NELL1: variants seen among roughly 807,000 people sequenced by gnomAD.
NELL1 encodes neural EGFL like 1, also known as protein kinase C-binding protein NELL1.
In NELL1, 76 loss-of-function variants were observed where a neutral mutation model predicts 107.4. That is an observed-to-expected ratio of 0.71 (90% CI 0.59 to 0.86). The LOEUF (loss-of-function observed/expected upper bound fraction) is 0.86, where lower values mean the gene tolerates loss of function less well. Among genes scored for constraint, NELL1 ranks in the 40% least tolerant of loss-of-function variants. The pLI is 0.00. For synonymous variants in NELL1, 353 were observed against 341.2 expected (o/e 1.03, Z -0.38); for missense variants, 1,024 against 1,005.5 (o/e 1.02, Z -0.25).
intron 14 of NELL1, among the ~76,000 whole-genome samples, chr11:21,346,199 T>A (rs147984295): frequency 1.3e-3 from 192 of 152,228 alleles, no homozygotes; most frequent in Non-Finnish European, 2.2e-3. Flanking sequence ...TTTCCTTCTA[T>A]CTGAATTTTT....
At chr11:21,204,768 T>C (rs1025872221) in intron 13 of NELL1, among the ~76,000 whole-genome samples, 18 of 152,170 alleles carry the variant, frequency 1.2e-4, no homozygotes, top group Non-Finnish European at 2.9e-5. Flanking sequence ...CCTTTGTTCT[T>C]TGATGTTGGA....
rs554676968 is a variant in NELL1, at chr11:21,278,625, T to G, written c.1549+49171T>G. On this transcript the variant is annotated intron_variant, in intron 14 of 19. Coordinates refer to ENST00000357134, the MANE Select transcript of NELL1 (RefSeq NM_006157.5). ...TAAGAGGAAAACTATAAAACTCAGT[T>G]TAAAAAAAATCAAAGAACTAAATAG... Among the ~76,000 whole-genome samples the G allele has an allele frequency of 2.0e-5, 3 of 152,014 alleles. No individual in the cohort carries two copies. In the East Asian group the frequency reaches 5.8e-4, roughly 29 times the overall value.
At chr11:21,478,834 C>T (rs1018840659) in intron 15 of NELL1, among the ~76,000 whole-genome samples, 8 of 62,012 alleles carry the variant, frequency 1.3e-4, no homozygotes, top group African/African-American at 4.6e-4. Context: ...CTCAAACAAC[C>T]CTATAAGAAA....
chr11:21,159,197 A>G (rs1856309185), intron 13 of NELL1, among the ~76,000 whole-genome samples: 1 of 152,136 alleles, frequency 6.6e-6, no homozygotes, highest in Admixed American at 6.5e-5. Flanking sequence ...CATAGGACTT[A>G]GATCTTAGAC....
At chr11:21,010,491 A>C in intron 12 of NELL1, among the ~76,000 whole-genome samples, 1 of 152,092 alleles carries the variant, frequency 6.6e-6, no homozygotes, top group South Asian at 2.1e-4. Flanking sequence ...TGCCTGGGGC[A>C]TAATAGACCA....
chr11:20,707,969 C>T (rs1247167969), intron 2 of NELL1, among the ~76,000 whole-genome samples: 2 of 152,234 alleles, frequency 1.3e-5, no homozygotes, highest in Non-Finnish European at 1.5e-5. Context: ...GCAGGCAGGC[C>T]TGCCTGAGCT....
chr11:20,853,095 C>A (rs905979467), intron 4 of NELL1, among the ~76,000 whole-genome samples: 5 of 152,174 alleles, frequency 3.3e-5, no homozygotes, highest in Admixed American at 3.3e-4. Flanking sequence ...GAATCTGATT[C>A]TGTACCAGTC....
intron 5 of NELL1, among the ~76,000 whole-genome samples, chr11:20,905,313 A>G (rs1849971308): frequency 6.6e-6 from 1 of 152,178 alleles, no homozygotes. Context: ...AAAGGGGCAG[A>G]TCTGTTCTCC....
chr11:21,492,701 C>T (rs1195337261), intron 15 of NELL1, among the ~76,000 whole-genome samples: 1 of 132,440 alleles, frequency 7.6e-6, no homozygotes, highest in African/African-American at 2.9e-5. Context: ...ACAATGAGAA[C>T]ACATGGACAT....
Position 20,781,846 on chromosome 11 carries a change from T to C in NELL1, c.185-1834T>C, listed in dbSNP as rs559113812. ...GAGTTCAAGACCAGCCTGGGCAACA[T>C]GGGGAAACCCTGTCTCTACCAAAAA... On this transcript the variant is annotated intron_variant, in intron 2 of 19. Coordinates refer to ENST00000357134, the MANE Select transcript of NELL1 (RefSeq NM_006157.5). 3.8e-5 allele frequency among the ~76,000 whole-genome samples: 4 copies of C among 104,838 alleles called. No homozygotes were observed. In the South Asian group the frequency reaches 1.3e-3, roughly 33 times the overall value. The allele number at this position is 104,838 out of a possible 152,430, so 68.8% of individuals were successfully genotyped here.
At chr11:20,987,219 A>C (rs1851871641) in intron 12 of NELL1, among the ~76,000 whole-genome samples, 1 of 152,180 alleles carries the variant, frequency 6.6e-6, no homozygotes, top group Non-Finnish European at 1.5e-5. Context: ...TCCCCCTTTG[A>C]AACCATCCTT....
chr11:21,554,946 T>C (rs946159339), intron 16 of NELL1, among the ~76,000 whole-genome samples: 1 of 151,922 alleles, frequency 6.6e-6, no homozygotes, highest in Non-Finnish European at 1.5e-5. Context: ...AAGGTTAAGC[T>C]TTCAATTGGT....
intron 10 of NELL1, among the ~76,000 whole-genome samples, chr11:20,947,133 A>G (rs557869985): frequency 2.0e-5 from 3 of 152,274 alleles, no homozygotes; most frequent in Admixed American, 6.5e-5. Flanking sequence ...TGAGGCTTTT[A>G]GGATATAGAA....
At chr11:21,277,424 A>C (rs1848892045) in intron 14 of NELL1, among the ~76,000 whole-genome samples, 1 of 151,306 alleles carries the variant, frequency 6.6e-6, no homozygotes, top group Admixed American at 6.6e-5. Flanking sequence ...GATGTGGAGA[A>C]ATAGGAACAC....
chr11:21,175,635 C>T (rs1856695981), intron 13 of NELL1, among the ~76,000 whole-genome samples: 1 of 151,870 alleles, frequency 6.6e-6, no homozygotes, highest in Non-Finnish European at 1.5e-5. Context: ...ATCAGTCTTT[C>T]TGTTTCACGA....
intron 15 of NELL1, among the ~76,000 whole-genome samples, chr11:21,434,369 A>G (rs895006715): frequency 2.3e-4 from 35 of 152,244 alleles, no homozygotes; most frequent in African/African-American, 7.5e-4. Flanking sequence ...ATTTTTGCAT[A>G]TGGTGAGATA....
intron 13 of NELL1, among the ~76,000 whole-genome samples, chr11:21,216,988 C>G (rs1628614): frequency 6.6e-6 from 1 of 152,082 alleles, no homozygotes; most frequent in Non-Finnish European, 1.5e-5. Flanking sequence ...AATTGTAGTT[C>G]CCATAATGCC....
At chr11:21,518,945 T>C (rs2133953212) in intron 15 of NELL1, among the ~76,000 whole-genome samples, 1 of 152,330 alleles carries the variant, frequency 6.6e-6, no homozygotes, top group South Asian at 2.1e-4. Context: ...TAATTCTCTC[T>C]CATGACATGA....
intron 4 of NELL1, among the ~76,000 whole-genome samples, chr11:20,869,068 T>C (rs1849149119): frequency 6.6e-6 from 1 of 152,184 alleles, no homozygotes; most frequent in Non-Finnish European, 1.5e-5. Flanking sequence ...TATGAAACTT[T>C]TGGGAATTGC....
Sources: allele counts gnomAD v4.1 joint callset (sites outside exome capture counted in the v4.1 genomes callset), GRCh38; gene constraint gnomAD v4.1.1; transcripts MANE v1.5; gene names NCBI Gene and HGNC (gene_info 2026-07-23, HGNC 2026-07-21).